MMEL1: variants seen among roughly 807,000 people sequenced by gnomAD.
MMEL1 encodes membrane metalloendopeptidase like 1.
Under a neutral mutation model 117.1 loss-of-function variants are expected in MMEL1, and 98 were observed. The ratio of observed to expected loss-of-function variants is 0.84; its 90% CI spans 0.71 to 0.99. MMEL1 has a LOEUF of 0.99. Ranked by LOEUF, MMEL1 falls within the 50% of genes least tolerant of loss-of-function variation. The probability of loss-of-function intolerance (pLI) is 0.00; values close to 1 mark genes in which losing one functional copy is unlikely to be tolerated. For missense variants in MMEL1, 1,014 were observed against 1,049.1 expected (o/e 0.97, Z 0.46); for synonymous variants, 390 against 415.1 (o/e 0.94, Z 0.74).
chr1:2,596,440 C>A, intron 14 of MMEL1, 121 bp downstream of exon 14: 1 of 1,399,650 alleles, frequency 7.1e-7, no homozygotes, highest in East Asian at 2.4e-5. Context: ...TAGCCTCCCT[C>A]TGTCTGGTGA....
At chr1:2,628,003 G>A (rs1026428447) in intron 2 of MMEL1, among the ~76,000 whole-genome samples, 2 of 152,234 alleles carry the variant, frequency 1.3e-5, no homozygotes, top group Non-Finnish European at 2.9e-5. Flanking sequence ...AGGCCCTTTG[G>A]CACGACCCAG....
rs538108746 is a variant in MMEL1 at position 2,610,502 on chromosome 1, C to T, written c.293-671G>A. On this transcript the variant is annotated intron_variant, in intron 4 of 23. Coordinates refer to ENST00000378412, the MANE Select transcript of MMEL1 (RefSeq NM_033467.4). Reference sequence around the variant, plus strand: ...GGTGACCATGCCCTGTAAGCCGGGCCCAGCTCCTGGCTGTCCGCCAGGGCC... The same window carrying T: ...GGTGACCATGCCCTGTAAGCCGGGCTCAGCTCCTGGCTGTCCGCCAGGGCC... Among the ~76,000 whole-genome samples, 4 of 152,342 alleles carry T rather than the reference C, an allele frequency of 2.6e-5. No homozygotes were observed. In the East Asian group the frequency reaches 5.8e-4, roughly 22 times the overall value.
chr1:2,599,488 A>G (rs1268764205), intron 11 of MMEL1, among the ~76,000 whole-genome samples: 3 of 152,272 alleles, frequency 2.0e-5, no homozygotes, highest in Non-Finnish European at 4.4e-5. Context: ...GGAAAGTCAC[A>G]TGATTATTTC....
In MMEL1 at chr1:2,591,992, G is replaced by T. The variant is rs139941953; in HGVS notation, c.2103C>A (p.Asp701Glu). The T allele has an allele frequency of 1.9e-3, 3,067 of 1,613,328 alleles. 57 individuals are homozygous for T. The South Asian group carries it at 0.024, about 13-fold the overall frequency. Residue 701 changes from aspartate to glutamate, a missense_variant, in exon 22 of 24, where the codon GAC becomes GAA. Physicochemically the swap from Asp to Glu is conservative, Grantham distance 45. Transcript: ENST00000378412. Reference sequence around the variant, plus strand: ...TGAGATCCAGGCCGGGCAGCTGCTGGTCCTTGCCACCCTCTGCCATCCACT... The same window carrying T: ...TGAGATCCAGGCCGGGCAGCTGCTGTTCCTTGCCACCCTCTGCCATCCACT... The part of the protein sequence containing the change: ...YLKWMAEGGK[D>E]QQLPGLDLTH...
At chr1:2,627,779 A>G (rs1037649147) in intron 2 of MMEL1, among the ~76,000 whole-genome samples, 1 of 152,154 alleles carries the variant, frequency 6.6e-6, no homozygotes, top group Non-Finnish European at 1.5e-5. Context: ...TCCACAAACA[A>G]TCCTGGACTG....
chr1:2,630,904 CTCT>C lies in MMEL1; in HGVS notation c.-37-1386_-37-1384del, dbSNP rs1303000449. Among the ~76,000 whole-genome samples the C allele has an allele frequency of 3.3e-5, 5 of 149,452 alleles. No individual in the cohort carries two copies. In the East Asian group the frequency reaches 7.9e-4, roughly 24 times the overall value. Reference sequence around the variant, plus strand: ...TGTGACTGTGCATTGTGTGCGTGTGCTCTTGTGTGTGCATGTGCATGATTGTGT... The same window carrying C: ...TGTGACTGTGCATTGTGTGCGTGTGCTGTGTGTGCATGTGCATGATTGTGT... On this transcript the variant is annotated intron_variant, in intron 1 of 23. Transcript: ENST00000378412.
rs1644814836 is a variant in MMEL1 at position 2,595,255 on chromosome 1, G to A, written c.1584+21C>T. 4.3e-6 allele frequency: 7 copies of A among 1,609,342 alleles called. No individual in the cohort carries two copies. Among genetic ancestry groups the A allele is most frequent in the Non-Finnish European group, 5.1e-6 (6 of 1,176,796 alleles). On this transcript the variant is annotated intron_variant, in intron 16 of 23. Transcript: ENST00000378412. This position sits in a 1 kb window ranked among gnomAD's most constrained non-coding sequence, Gnocchi z 4.8. ...TGTCCACGGTGTGGGGGGCAGTTTA[G>A]GGCTGGGGTTGGGGGCGCACATTGG...
At chr1:2,599,998 C>T (rs1557528508) in intron 11 of MMEL1, among the ~76,000 whole-genome samples, 1 of 152,112 alleles carries the variant, frequency 6.6e-6, no homozygotes, top group Admixed American at 6.6e-5. Context: ...GACAGAGTCT[C>T]GCTTTGTTGC....
chr1:2,632,800 G>T lies in MMEL1; in HGVS notation c.-38+66C>A, dbSNP rs376071658. The T allele has an allele frequency of 1.7e-5, 16 of 919,064 alleles. No individual in the cohort carries two copies. The African/African-American group carries it at 2.7e-4, about 15-fold the overall frequency. 56.9% of individuals were successfully genotyped at this position (919,064 alleles called of 1,614,324 possible). ...CTGGAGAGGGTTTCAAGGCCCAGGAGAGGGCCTGGAGAGGGTTTCAAGGCC... is the reference window on the plus strand; with the variant it reads ...CTGGAGAGGGTTTCAAGGCCCAGGATAGGGCCTGGAGAGGGTTTCAAGGCC... On this transcript the variant is annotated intron_variant, in intron 1 of 23. Transcript: ENST00000378412.
intron 21 of MMEL1, 123 bp downstream of exon 21, chr1:2,592,532 C>T (rs1243003315): frequency 3.1e-5 from 2 of 64,918 alleles, no homozygotes; most frequent in South Asian, 1.5e-4. Context: ...TCCCCTGCCG[C>T]GCTGATGCCC....
chr1:2,600,723 T>TTG (rs1644918645), intron 11 of MMEL1, among the ~76,000 whole-genome samples: 1 of 150,724 alleles, frequency 6.6e-6, no homozygotes, highest in Admixed American at 6.6e-5. Flanking sequence ...AACCCCCCTG[T>TTG]TTTTTTACAA....
chr1:2,603,765 G>A (rs939293493), intron 11 of MMEL1, 119 bp downstream of exon 11: 1 of 865,102 alleles, frequency 1.2e-6, no homozygotes, highest in Admixed American at 2.3e-5. Context: ...CCCTGCTCGG[G>A]GATGGGGAAT....
intron 2 of MMEL1, among the ~76,000 whole-genome samples, chr1:2,621,863 T>C (rs1318924949): frequency 1.3e-5 from 2 of 152,140 alleles, no homozygotes; most frequent in Non-Finnish European, 2.9e-5. Flanking sequence ...TGCCCAGCCA[T>C]ATCTTACATG....
rs1327230655 is a variant in MMEL1, at chr1:2,592,366, TGCTGTGCTG to T, written c.2067+280_2067+288del. On this transcript the variant is annotated intron_variant, in intron 21 of 23. Coordinates refer to ENST00000378412, the MANE Select transcript of MMEL1 (RefSeq NM_033467.4). ...CCTGCCATGCTGACGCCCCCTCCCCTGCTGTGCTGGCACCCCCTCCCCTGCCGCGCTGAT... is the reference window on the plus strand; with the variant it reads ...CCTGCCATGCTGACGCCCCCTCCCCTGCACCCCCTCCCCTGCCGCGCTGAT... Among the ~76,000 whole-genome samples, 41 of 47,696 alleles carry T rather than the reference TGCTGTGCTG, an allele frequency of 8.6e-4. 2 individuals carry two copies. The highest frequency in any genetic ancestry group is 1.8e-3 in the Admixed American group (5 of 2,856). The allele number at this position is 47,696 out of a possible 152,430, so 31.3% of individuals were successfully genotyped here.
intron 2 of MMEL1, among the ~76,000 whole-genome samples, chr1:2,627,832 G>GA (rs1191541783): frequency 1.3e-5 from 2 of 152,204 alleles, no homozygotes; most frequent in African/African-American, 4.8e-5. Context: ...GGGGGGTCTT[G>GA]ACGGGGAACA....
At chr1:2,603,319 G>A (rs750955923) in intron 11 of MMEL1, among the ~76,000 whole-genome samples, 30 of 152,226 alleles carry the variant, frequency 2.0e-4, no homozygotes, top group Non-Finnish European at 3.4e-4. Context: ...CCTCGAGAAG[G>A]CCAGCTGCTC....
Position 2,612,151 on chromosome 1 carries a change from T to A in MMEL1, c.208A>T (p.Thr70Ser), listed in dbSNP as rs1265995172. ...CCTCGGGGTTTTCGTTTTACAAAGG[T>A]CCTCTCCTCCTGTAAGAAGCACAGC... is the stretch of plus-strand genomic sequence containing the variant. ...SRLCFLQEER[T>S]FVKRKPRGIP... Residue 70 changes from threonine to serine, a missense_variant, in exon 3 of 24, where the codon ACC (threonine) becomes TCC (serine). By Grantham distance (58) the Thr-to-Ser change is moderately conservative (BLOSUM62 1). Coordinates refer to ENST00000378412, the MANE Select transcript of MMEL1 (RefSeq NM_033467.4). This position sits in a 1 kb window ranked among gnomAD's most constrained non-coding sequence, Gnocchi z 5.4. 1.9e-6 allele frequency: 3 copies of A among 1,581,270 alleles called. No homozygotes were observed. Among genetic ancestry groups the A allele is most frequent in the Admixed American group, 3.6e-5 (2 of 55,546 alleles).
chr1:2,607,964 C>T (rs927327106), intron 6 of MMEL1, among the ~76,000 whole-genome samples: 1 of 152,148 alleles, frequency 6.6e-6, no homozygotes, highest in Non-Finnish European at 1.5e-5. Context: ...GCTGGGTTCC[C>T]GGCTGGGCTG....
chr1:2,621,980 T>C (rs756713896), intron 2 of MMEL1, among the ~76,000 whole-genome samples: 6 of 152,180 alleles, frequency 3.9e-5, no homozygotes, highest in African/African-American at 9.7e-5. Flanking sequence ...CACGGGCCAT[T>C]GGTCACTCGT....
Sources: gnomAD v4.1 joint callset for allele counts (sites outside exome capture counted in the v4.1 genomes callset) on GRCh38, gnomAD v4.1.1 for gene constraint, Gnocchi (gnomAD v3.1) non-coding constraint, MANE v1.5 for transcripts, NCBI Gene and HGNC (gene_info 2026-07-23, HGNC 2026-07-21) for gene names.